CTNNA2: variants seen among roughly 807,000 people sequenced by gnomAD.
The protein encoded by CTNNA2 is catenin alpha-2.
CTNNA2 carries 42 observed loss-of-function variants against 101.0 expected under a neutral mutation model. The ratio of observed to expected loss-of-function variants is 0.42; its 90% CI spans 0.32 to 0.54. The LOEUF is 0.54. Ranked by LOEUF, CTNNA2 falls within the 20% of genes least tolerant of loss-of-function variation. CTNNA2 has a pLI of 0.14. For missense variants in CTNNA2, 871 were observed against 1,223.1 expected (o/e 0.71, Z 4.29); for synonymous variants, 450 against 456.4 (o/e 0.99, Z 0.18).
At chr2:79,957,912 A>C (rs2104518615) in intron 7 of CTNNA2, among the ~76,000 whole-genome samples, 1 of 152,320 alleles carries the variant, frequency 6.6e-6, no homozygotes, top group Admixed American at 6.5e-5. Context: ...CTCCTTTCAT[A>C]TTAGGGATTA....
intron 7 of CTNNA2, among the ~76,000 whole-genome samples, chr2:80,293,689 G>A (rs140126302): frequency 3.9e-4 from 59 of 152,090 alleles, no homozygotes; most frequent in Non-Finnish European, 6.0e-4. Context: ...AAAAATCCCC[G>A]GAGTAGAATT....
chr2:80,138,173 T>G (rs1172522320), intron 7 of CTNNA2, among the ~76,000 whole-genome samples: 2 of 152,148 alleles, frequency 1.3e-5, no homozygotes, highest in Non-Finnish European at 2.9e-5. Context: ...CACCCCAGTG[T>G]CAACAGAGTG....
intron 7 of CTNNA2, among the ~76,000 whole-genome samples, chr2:79,991,796 A>G (rs796715360): frequency 3.3e-5 from 5 of 152,262 alleles, no homozygotes; most frequent in South Asian, 2.1e-4. Context: ...TGGAAAATCA[A>G]CAGCCTGTGA....
intron 4 of CTNNA2, among the ~76,000 whole-genome samples, chr2:79,468,596 G>A (rs559259904): frequency 9.2e-5 from 14 of 152,078 alleles, no homozygotes; most frequent in South Asian, 8.3e-4. Context: ...GCACCACATC[G>A]CACTTATTCC....
chr2:79,987,538 C>T lies in CTNNA2; in HGVS notation c.1056+77741C>T, dbSNP rs543746322. Among the ~76,000 whole-genome samples the T allele has an allele frequency of 8.5e-5, 13 of 152,288 alleles. No individual in the cohort carries two copies. The East Asian group carries it at 2.5e-3, about 29-fold the overall frequency. On this transcript the variant is annotated intron_variant, in intron 7 of 18. Coordinates refer to ENST00000402739, the MANE Select transcript of CTNNA2 (RefSeq NM_001282597.3). ...ATAACATGGCTGTGAGGAATGAAAA[C>T]TACTTTGACACATACTGGGACTTTA...
chr2:79,992,593 T>C lies in CTNNA2; in HGVS notation c.1056+82796T>C, dbSNP rs1433472485. Among the ~76,000 whole-genome samples, 4 of 152,206 alleles carry C rather than the reference T, an allele frequency of 2.6e-5. No individual in the cohort carries two copies. The South Asian group carries it at 6.2e-4, about 24-fold the overall frequency. ...ACCTAATGTAAGATCTGGGGAAGGA[T>C]TGAGGCTGCTATGCTAAGAGCGTTT... On this transcript the variant is annotated intron_variant, in intron 7 of 18. Coordinates refer to ENST00000402739, the MANE Select transcript of CTNNA2 (RefSeq NM_001282597.3).
chr2:80,502,791 A>G (rs1435902520), intron 9 of CTNNA2, among the ~76,000 whole-genome samples: 1 of 152,154 alleles, frequency 6.6e-6, no homozygotes, highest in Non-Finnish European at 1.5e-5. Context: ...ATGGAAAAAC[A>G]TGGCCCTCCT....
intron 1 of CTNNA2, among the ~76,000 whole-genome samples, chr2:79,584,397 A>G (rs1272798344): frequency 6.6e-6 from 1 of 151,946 alleles, no homozygotes; most frequent in Non-Finnish European, 1.5e-5. Context: ...TTTTAGTGTC[A>G]TTATGAATTC....
chr2:79,392,568 A>G (rs1270643395), intron 4 of CTNNA2, among the ~76,000 whole-genome samples: 1 of 151,600 alleles, frequency 6.6e-6, no homozygotes, highest in Non-Finnish European at 1.5e-5. Flanking sequence ...TTTGTTTGTT[A>G]ATTTTCTTGC....
At chr2:79,954,024 T>A (rs1478038693) in intron 7 of CTNNA2, among the ~76,000 whole-genome samples, 1 of 152,184 alleles carries the variant, frequency 6.6e-6, no homozygotes, top group Non-Finnish European at 1.5e-5. Context: ...AGAGGTTTAG[T>A]TGACTCACAG....
intron 2 of CTNNA2, among the ~76,000 whole-genome samples, chr2:79,655,870 C>T (rs10164580): frequency 0.19 from 29,020 of 151,726 alleles, 3,202 homozygotes; most frequent in East Asian, 0.5. Flanking sequence ...CCTTTTAGTC[C>T]AGTTATCTAA....
chr2:80,118,320 A>G (rs139754355), intron 7 of CTNNA2, among the ~76,000 whole-genome samples: 81 of 152,332 alleles, frequency 5.3e-4, no homozygotes, highest in Admixed American at 1.0e-3. Flanking sequence ...GCAAGTCGTC[A>G]TTGGAATGGA....
intron 2 of CTNNA2, among the ~76,000 whole-genome samples, chr2:79,227,568 A>G (rs1290427617): frequency 1.3e-5 from 2 of 152,238 alleles, no homozygotes; most frequent in African/African-American, 4.8e-5. Context: ...TAAAACACAT[A>G]TCAAAGTAAA....
chr2:79,972,532 G>A (rs1462871105), intron 7 of CTNNA2, among the ~76,000 whole-genome samples: 2 of 152,074 alleles, frequency 1.3e-5, no homozygotes, highest in African/African-American at 4.8e-5. Context: ...CACAAGACAG[G>A]GAAAAGACAC....
intron 18 of CTNNA2, among the ~76,000 whole-genome samples, chr2:80,635,971 C>CTTT (rs60757492): frequency 0.036 from 4,135 of 115,590 alleles, 134 homozygotes; most frequent in Non-Finnish European, 0.042. Flanking sequence ...ATGCCCATTG[C>CTTT]TTTTTTTTTT....
chr2:79,825,307 GA>G (rs1394680080), intron 3 of CTNNA2, among the ~76,000 whole-genome samples: 1 of 152,146 alleles, frequency 6.6e-6, no homozygotes, highest in African/African-American at 2.4e-5. Flanking sequence ...TGATGCTGTC[GA>G]TTTTCAGATT....
At chr2:79,819,380 G>A (rs1039922447) in intron 3 of CTNNA2, among the ~76,000 whole-genome samples, 3 of 152,020 alleles carry the variant, frequency 2.0e-5, no homozygotes, top group African/African-American at 2.4e-5. Context: ...TAACTTATGG[G>A]CTTACTTCTG....
chr2:79,539,712 C>G (rs2103981510), intron 1 of CTNNA2, among the ~76,000 whole-genome samples: 1 of 152,264 alleles, frequency 6.6e-6, no homozygotes, highest in Non-Finnish European at 1.5e-5. Context: ...TCACCTCAAG[C>G]CTGTCAGTGT....
chr2:79,635,348 C>T (rs946023822), intron 1 of CTNNA2, among the ~76,000 whole-genome samples: 6 of 151,562 alleles, frequency 4.0e-5, no homozygotes, highest in African/African-American at 1.5e-4. Flanking sequence ...AGGAGAATGG[C>T]GTGAACCCGG....
Sources: gnomAD v4.1 joint callset for allele counts (sites outside exome capture counted in the v4.1 genomes callset) on GRCh38, gnomAD v4.1.1 for gene constraint, MANE v1.5 for transcripts, NCBI Gene and HGNC (gene_info 2026-07-23, HGNC 2026-07-21) for gene names.